Variants in RHPN1 observed in about 807,000 individuals in gnomAD.
The protein encoded by RHPN1 is rhophilin Rho GTPase binding protein 1.
RHPN1 carries 77 observed loss-of-function variants against 74.7 expected under a neutral mutation model. The ratio of observed to expected loss-of-function variants is 1.03; its 90% CI spans 0.86 to 1.25. The LOEUF is 1.25. RHPN1 is among the 50% of genes most tolerant of loss of function. RHPN1 has a pLI of 0.00. For missense variants in RHPN1, 987 were observed against 932.2 expected (o/e 1.06, Z -0.77); for synonymous variants, 444 against 414.5 (o/e 1.07, Z -0.87).
At position 143,378,329 on chromosome 8, in the gene RHPN1, C is replaced by T. The variant is rs1018669810; in HGVS notation, c.442C>T (p.Leu148=). The change falls in exon 5 of 15, where the codon CTG becomes TTG. Residue 148 remains leucine (L), a synonymous_variant. Transcript: ENST00000289013. ...CTCCTACGAGGCAGAAATCAGGGAG[C>T]TGGAGGCCCTGCGGCAGGTGTGTGG... ...GASYEAEIRE[L]EALRQAMRTP... is the part of the protein sequence containing the mutation. 8 of 1,557,216 alleles carry T rather than the reference C, an allele frequency of 5.1e-6. No homozygotes were observed. The African/African-American group carries it at 9.5e-5, about 19-fold the overall frequency.
intron 5 of RHPN1, 81 bp downstream of exon 5, chr8:143,378,427 C>T: frequency 8.8e-7 from 1 of 1,138,978 alleles, no homozygotes; most frequent in Non-Finnish European, 1.2e-6. Context: ...CAGGAACAGA[C>T]AGAGGAGCTC....
chr8:143,381,800 C>T lies in RHPN1; in HGVS notation c.1636-7C>T. 6.2e-7 allele frequency: 1 copy of T among 1,611,490 alleles called. No individual in the cohort carries two copies. Among genetic ancestry groups the T allele is most frequent in the Non-Finnish European group, 8.5e-7 (1 of 1,179,168 alleles). The stretch of plus-strand genomic sequence containing the variant: ...GTCCCCACCTCACCGTCCAAGTCTC[C>T]CCACAGGCGGCTGGCCTGAAGGAGG... On this transcript the variant is annotated splice_polypyrimidine_tract_variant and splice_region_variant and intron_variant, in intron 13 of 14. Transcript: ENST00000289013.
chr8:143,380,518 C>A, intron 10 of RHPN1, 71 bp from the exon 11 acceptor site: 1 of 1,360,156 alleles, frequency 7.4e-7, no homozygotes, highest in Non-Finnish European at 9.7e-7. Flanking sequence ...CTGGCGTTGC[C>A]CACTCCTTCT....
chr8:143,379,532 G>A (rs1195610694), intron 8 of RHPN1, 24 bp downstream of exon 8: 2 of 1,525,984 alleles, frequency 1.3e-6, no homozygotes, highest in Middle Eastern at 2.3e-4. Flanking sequence ...CCCGTGTCAG[G>A]ATGCAGGGGG....
At position 143,384,162 on chromosome 8, in the gene RHPN1, A is replaced by G. The variant is rs1164083003; in HGVS notation, c.*1511A>G. On this transcript the variant is annotated 3_prime_UTR_variant, in exon 15 of 15. Transcript: ENST00000289013. Reference sequence around the variant, plus strand: ...ATCCCTGTCTCAGCAGAATGGGCCAAGGTCACGCAGGTCTCCCCAGCACGT... The same window carrying G: ...ATCCCTGTCTCAGCAGAATGGGCCAGGGTCACGCAGGTCTCCCCAGCACGT... 1 of 152,080 alleles carries G rather than the reference A, an allele frequency of 6.6e-6. No individual in the cohort carries two copies. The highest frequency in any genetic ancestry group is 1.5e-5 in the Non-Finnish European group (1 of 67,992). The allele number at this position is 152,080 out of a possible 1,614,324, so 9.4% of individuals were successfully genotyped here.
At position 143,378,809 on chromosome 8, in the gene RHPN1, C is replaced by T; in HGVS notation, c.573C>T (p.Leu191=). The change falls in exon 6 of 15, where the codon CTC becomes CTT. Residue 191 remains leucine (L), a synonymous_variant. Transcript: ENST00000289013. The part of the protein sequence containing the change: ...RFLTPARSLG[L]FFHWYDSLTG... ...TCACCCCTGCCAGGAGCCTCGGGCTCTTCTTCCACTGGTAGGGGCTCTGCG... is the reference window on the plus strand; with the variant it reads ...TCACCCCTGCCAGGAGCCTCGGGCTTTTCTTCCACTGGTAGGGGCTCTGCG... 1.3e-6 allele frequency: 2 copies of T among 1,565,078 alleles called. No individual in the cohort carries two copies. The highest frequency in any genetic ancestry group is 1.7e-6 in the Non-Finnish European group (2 of 1,155,108).
rs1818762738 is a variant in RHPN1 at position 143,381,902 on chromosome 8, T to C, written c.1731T>C (p.Ala577=). 6.2e-7 allele frequency: 1 copy of C among 1,612,646 alleles called. No individual in the cohort carries two copies. Among genetic ancestry groups the C allele is most frequent in the East Asian group, 2.2e-5 (1 of 44,864 alleles). ...RHAEVVTELK[A]AGEAGASLQV... ...CGGAGGTGGTGACGGAGCTGAAGGC[T>C]GCGGGAGAGGCGGGCGCCAGCCTGC... The change falls in exon 14 of 15, where the codon GCT becomes GCC. Residue 577 remains alanine (A), a synonymous_variant. Coordinates refer to ENST00000289013, the MANE Select transcript of RHPN1 (RefSeq NM_052924.3).
At chr8:143,370,914 C>T (rs752273087) in intron 1 of RHPN1, among the ~76,000 whole-genome samples, 1 of 152,182 alleles carries the variant, frequency 6.6e-6, no homozygotes, top group Non-Finnish European at 1.5e-5. Flanking sequence ...AGAGGGAGAG[C>T]GTTGGAGCAG....
In RHPN1 at chr8:143,378,915, C is replaced by T. The variant is rs780306782; in HGVS notation, c.588C>T (p.Tyr196=). 16 of 1,584,444 alleles carry T rather than the reference C, an allele frequency of 1.0e-5. No individual in the cohort carries two copies. Among genetic ancestry groups the T allele is most frequent in the African/African-American group, 2.7e-5 (2 of 74,104 alleles). ...CCAGCCTGACCCAACACTGCAGGTA[C>T]GACTCGCTTACTGGGGTCCCGGCCC... ...ARSLGLFFHW[Y]DSLTGVPAQQ... is the part of the protein sequence containing the mutation. The change falls in exon 7 of 15, where the codon TAC becomes TAT. Residue 196 remains tyrosine, a synonymous_variant. Transcript: ENST00000289013.
At chr8:143,365,890 G>T (rs1362976943), upstream of RHPN1, among the ~76,000 whole-genome samples, 1 of 151,982 alleles carries the variant, frequency 6.6e-6, no homozygotes, top group South Asian at 2.1e-4. Context: ...CCTGCTACTT[G>T]GGAGACCGAG....
chr8:143,365,002 C>T (rs1817541659), upstream of RHPN1, among the ~76,000 whole-genome samples: 1 of 152,072 alleles, frequency 6.6e-6, no homozygotes, highest in Non-Finnish European at 1.5e-5. Flanking sequence ...GTTATTTATC[C>T]TTGAATTTGT....
chr8:143,379,418 G>C lies in RHPN1; in HGVS notation c.855G>C (p.Gln285His). The change falls in exon 8 of 15, where the codon CAG (glutamine) becomes CAC (histidine). Residue 285 changes from glutamine to histidine, a missense_variant. By Grantham distance (24) the Gln-to-His change is conservative (BLOSUM62 0). Coordinates refer to ENST00000289013, the MANE Select transcript of RHPN1 (RefSeq NM_052924.3). ...AGCAGCTCATGATGGCCCAGGCCCA[G>C]GAATGTGTGTTTGAGGGCCTCTCAC... ...ALEQLMMAQA[Q>H]ECVFEGLSPP... 6.3e-7 allele frequency: 1 copy of C among 1,585,512 alleles called. No individual in the cohort carries two copies. Among genetic ancestry groups the C allele is most frequent in the Non-Finnish European group, 8.6e-7 (1 of 1,166,328 alleles).
In RHPN1 at chr8:143,368,903, C is replaced by A; in HGVS notation, c.-85C>A. ...TCAGGAGCCCGCGGCCCAGGTGGTGCGGGCGGCCCTAGCCCGGCTGCGGAG... is the reference window on the plus strand; with the variant it reads ...TCAGGAGCCCGCGGCCCAGGTGGTGAGGGCGGCCCTAGCCCGGCTGCGGAG... On this transcript the variant is annotated 5_prime_UTR_variant, in exon 1 of 15. Transcript: ENST00000289013. 2 of 1,057,554 alleles carry A rather than the reference C, an allele frequency of 1.9e-6. No homozygotes were observed. The highest frequency in any genetic ancestry group is 2.5e-6 in the Non-Finnish European group (2 of 809,428). The allele number at this position is 1,057,554 out of a possible 1,614,324, so 65.5% of individuals were successfully genotyped here. A position where few individuals can be genotyped will look rare whatever the true frequency, so the allele number is the denominator to read the frequency against.
At position 143,368,890 on chromosome 8, in the gene RHPN1, G is replaced by A; in HGVS notation, c.-98G>A. 1.1e-6 allele frequency: 1 copy of A among 885,200 alleles called. No individual in the cohort carries two copies. The highest frequency in any genetic ancestry group is 3.1e-5 in the South Asian group (1 of 32,264). The allele number at this position is 885,200 out of a possible 1,614,324, so 54.8% of individuals were successfully genotyped here. A position where few individuals can be genotyped will look rare whatever the true frequency, so the allele number is the denominator to read the frequency against. ...CCGGCGCGGGCACTCAGGAGCCCGC[G>A]GCCCAGGTGGTGCGGGCGGCCCTAG... On this transcript the variant is annotated 5_prime_UTR_variant, in exon 1 of 15. Coordinates refer to ENST00000289013, the MANE Select transcript of RHPN1 (RefSeq NM_052924.3).
intron 1 of RHPN1, among the ~76,000 whole-genome samples, chr8:143,369,843 G>C (rs1021248599): frequency 1.3e-5 from 2 of 152,260 alleles, no homozygotes; most frequent in South Asian, 2.1e-4. Flanking sequence ...ACGTCAGACT[G>C]TGTTGTCCCT....
At chr8:143,376,697 A>G in intron 3 of RHPN1, 44 bp downstream of exon 3, 18 of 1,532,780 alleles carry the variant, frequency 1.2e-5, no homozygotes, top group Non-Finnish European at 1.6e-5. Flanking sequence ...ATGTGTGTGC[A>G]CGTGTGCGTG....
intron 11 of RHPN1, 91 bp downstream of exon 11, chr8:143,380,874 T>TG: frequency 1.9e-6 from 2 of 1,053,574 alleles, no homozygotes; most frequent in Non-Finnish European, 2.7e-6. Flanking sequence ...GCATTAAAGA[T>TG]GCAGTCACCA....
At chr8:143,369,081 GC>G in intron 1 of RHPN1, 34 bp downstream of exon 1, 5 of 1,445,718 alleles carry the variant, frequency 3.5e-6, no homozygotes, top group Non-Finnish European at 4.5e-6. Context: ...GGGAGGAGGG[GC>G]CCGGAATCCC....
At chr8:143,368,570 T>C (rs1437196917), upstream of RHPN1, 1 of 153,722 alleles carries the variant, frequency 6.5e-6, no homozygotes, top group African/African-American at 2.4e-5. Context: ...CCGTATAGTT[T>C]TTTTCTCCGT....
Sources: gnomAD v4.1 joint callset for allele counts (sites outside exome capture counted in the v4.1 genomes callset) on GRCh38, gnomAD v4.1.1 for gene constraint, MANE v1.5 for transcripts, NCBI Gene and HGNC (gene_info 2026-07-23, HGNC 2026-07-21) for gene names.